The following SPTAN1 variants were observed in gnomAD, a reference collection of about 807,000 sequenced individuals.
SPTAN1 encodes the protein spectrin alpha, non-erythrocytic 1, also known as spectrin alpha chain, non-erythrocytic 1.
SPTAN1 carries 61 observed loss-of-function variants against 331.3 expected under a neutral mutation model. That is an observed-to-expected ratio of 0.18 (90% CI 0.15 to 0.23). The LOEUF (loss-of-function observed/expected upper bound fraction) is 0.23, where lower values mean the gene tolerates loss of function less well. Among genes scored for constraint, SPTAN1 ranks in the 10% least tolerant of loss-of-function variants. The probability of loss-of-function intolerance (pLI) is 1.00; values close to 1 mark genes in which losing one functional copy is unlikely to be tolerated. For missense variants in SPTAN1, 2,043 were observed against 3,147.9 expected, an observed-to-expected ratio of 0.65 and a Z score of 8.40; for synonymous variants, 1,153 against 1,173.9, an observed-to-expected ratio of 0.98 and a Z score of 0.36.
chr9:128,621,569 G>T, intron 45 of SPTAN1: 1 of 445,222 alleles, frequency 2.2e-6, no homozygotes, highest in Non-Finnish European at 4.2e-6. Context: ...ATGCAAATAA[G>T]CAAAACATAA....
chr9:128,607,377 G>T (rs1424169333), intron 31 of SPTAN1, among the ~76,000 whole-genome samples: 1 of 152,080 alleles, frequency 6.6e-6, no homozygotes, highest in East Asian at 1.9e-4. Context: ...AGGGTGAAAA[G>T]ATCTTAATTA....
intron 1 of SPTAN1, chr9:128,553,030 A>C (rs1417020579): frequency 6.6e-6 from 1 of 152,282 alleles, no homozygotes; most frequent in African/African-American, 2.4e-5. Flanking sequence ...CGGCTGCGGC[A>C]GGTGGGTGGG....
chr9:128,575,408 G>A, intron 5 of SPTAN1, 63 bp downstream of exon 5: 2 of 1,582,760 alleles, frequency 1.3e-6, no homozygotes, highest in Admixed American at 1.7e-5. Flanking sequence ...AGTATATTCA[G>A]GATAAAATTT....
At chr9:128,581,210 T>A (rs1851900163) in intron 11 of SPTAN1, 151 bp downstream of exon 11, 1 of 1,063,728 alleles carries the variant, frequency 9.4e-7, no homozygotes, top group Admixed American at 2.2e-5. Flanking sequence ...TTCTCTCAGC[T>A]CTGCCAGCAT....
intron 26 of SPTAN1, 89 bp downstream of exon 26, chr9:128,599,075 A>C: frequency 7.7e-7 from 1 of 1,297,278 alleles, no homozygotes; most frequent in South Asian, 1.2e-5. Flanking sequence ...CTTCATCAGA[A>C]TTGCTGTTCC....
intron 2 of SPTAN1, among the ~76,000 whole-genome samples, chr9:128,567,522 C>T (rs1850178198): frequency 6.6e-6 from 1 of 152,140 alleles, no homozygotes. Context: ...GAACTGACCT[C>T]AGGTGATCCA....
intron 1 of SPTAN1, among the ~76,000 whole-genome samples, chr9:128,559,465 TAGG>T (rs1402998102): frequency 6.6e-6 from 1 of 152,226 alleles, no homozygotes; most frequent in Admixed American, 6.5e-5. Context: ...ACTCCTGTGA[TAGG>T]AGGCAGAACA....
chr9:128,622,324 A>G (rs1174024457), intron 45 of SPTAN1, among the ~76,000 whole-genome samples: 4 of 89,060 alleles, frequency 4.5e-5, no homozygotes, highest in Non-Finnish European at 8.1e-5. Flanking sequence ...TTTGCGACGG[A>G]GTTTCGCTCT....
chr9:128,587,023 A>G (rs1852741296), intron 19 of SPTAN1, among the ~76,000 whole-genome samples: 1 of 151,966 alleles, frequency 6.6e-6, no homozygotes, highest in South Asian at 2.1e-4. Flanking sequence ...GTTTCACCAC[A>G]TTGGCCAGTT....
At chr9:128,606,485 ATAT>A (rs763166606) in intron 31 of SPTAN1, among the ~76,000 whole-genome samples, 7,752 of 30,660 alleles carry the variant, frequency 0.25, 278 homozygotes, top group Non-Finnish European at 0.34. Context: ...ATATATATAT[ATAT>A]TTTTTTTTTG....
In SPTAN1 at chr9:128,604,907, G is replaced by A. The variant is rs187163498; in HGVS notation, c.3720-127G>A. ...GAGATTGTGCATTGTGCTCCAGCCTGGGTGACAAGAATGAAACTCCATCTC... is the reference window on the plus strand; with the variant it reads ...GAGATTGTGCATTGTGCTCCAGCCTAGGTGACAAGAATGAAACTCCATCTC... On this transcript the variant is annotated intron_variant, in intron 29 of 56. Coordinates refer to ENST00000372739, the MANE Select transcript of SPTAN1 (RefSeq NM_001130438.3). The A allele has an allele frequency of 3.8e-4, 393 of 1,026,550 alleles. 3 individuals are homozygous for A. In the East Asian group the frequency reaches 0.011, roughly 27 times the overall value. The allele number at this position is 1,026,550 out of a possible 1,614,324, so 63.6% of individuals were successfully genotyped here.
chr9:128,582,930 A>G (rs1012354719), intron 14 of SPTAN1, 81 bp downstream of exon 14: 8 of 1,600,480 alleles, frequency 5.0e-6, no homozygotes, highest in Non-Finnish European at 6.0e-6. Flanking sequence ...TAGCTAAAGG[A>G]CGAAATAAGG....
At chr9:128,558,302 G>A (rs893401847) in intron 1 of SPTAN1, among the ~76,000 whole-genome samples, 1 of 152,170 alleles carries the variant, frequency 6.6e-6, no homozygotes, top group South Asian at 2.1e-4. Context: ...TGACTGCTGC[G>A]TTGCAGCATT....
chr9:128,605,548 A>C, intron 31 of SPTAN1, 71 bp downstream of exon 31: 2 of 1,578,634 alleles, frequency 1.3e-6, no homozygotes, highest in Non-Finnish European at 1.7e-6. Context: ...TTATTGTGAA[A>C]ATAGTACATG....
At chr9:128,598,362 T>A (rs2131436418) in intron 24 of SPTAN1, 38 bp from the exon 25 acceptor site, 1 of 1,533,682 alleles carries the variant, frequency 6.5e-7, no homozygotes, top group Admixed American at 1.8e-5. Flanking sequence ...TTTGGCTTGC[T>A]ATTTTGGGTT....
At chr9:128,580,230 T>C (rs1197910043) in intron 10 of SPTAN1, among the ~76,000 whole-genome samples, 2 of 151,706 alleles carry the variant, frequency 1.3e-5, no homozygotes, top group Non-Finnish European at 2.9e-5. Context: ...TAATGAGTTA[T>C]GATTTGCACC....
chr9:128,624,216 CA>C (rs1858387625), intron 45 of SPTAN1, 111 bp from the exon 46 acceptor site: 2 of 1,250,780 alleles, frequency 1.6e-6, no homozygotes, highest in Admixed American at 1.9e-5. Flanking sequence ...CAGCAGTGGA[CA>C]GGGGAGCAAG....
At chr9:128,617,923 G>A in intron 42 of SPTAN1, 64 bp from the exon 43 acceptor site, 3 of 1,613,692 alleles carry the variant, frequency 1.9e-6, no homozygotes, top group Admixed American at 1.7e-5. Flanking sequence ...CTTTTCCTGG[G>A]AGCTTCGAGA....
intron 3 of SPTAN1, among the ~76,000 whole-genome samples, chr9:128,571,131 AATT>A (rs2130903481): frequency 6.6e-6 from 1 of 152,210 alleles, no homozygotes; most frequent in African/African-American, 2.4e-5. Flanking sequence ...CTACAAAAAA[AATT>A]TAAAAATTAG....
Sources: gnomAD v4.1 joint callset for allele counts (sites outside exome capture counted in the v4.1 genomes callset) on GRCh38, gnomAD v4.1.1 for gene constraint, MANE v1.5 for transcripts, NCBI Gene and HGNC (gene_info 2026-07-23, HGNC 2026-07-21) for gene names.